Variants in MACROD2 observed in about 807,000 individuals in gnomAD.
The protein encoded by MACROD2 is mono-ADP ribosylhydrolase 2, also known as ADP-ribose glycohydrolase MACROD2.
In MACROD2, 36 loss-of-function variants were observed where a neutral mutation model predicts 70.4. The observed-to-expected ratio is 0.51, with a 90% CI of 0.39 to 0.68. MACROD2 has a LOEUF of 0.68. Ranked by LOEUF, MACROD2 falls within the 30% of genes least tolerant of loss-of-function variation. MACROD2 has a pLI of 0.00. For synonymous variants in MACROD2, 172 were observed against 178.8 expected, an observed-to-expected ratio of 0.96 and a Z score of 0.30; for missense variants, 496 against 538.4, an observed-to-expected ratio of 0.92 and a Z score of 0.78.
rs191657542 is a variant in MACROD2, at chr20:14,354,589, T to G, written c.272-138890T>G. ...GATGTCATTTGCCCTTTCCCCCATA[T>G]ATGTAGAATTGGGTCTTTTTCAACT... On this transcript the variant is annotated intron_variant, in intron 3 of 17. Transcript: ENST00000684519. Among the ~76,000 whole-genome samples, 5 of 152,286 alleles carry G rather than the reference T, an allele frequency of 3.3e-5. No individual in the cohort carries two copies. In the East Asian group the frequency reaches 9.6e-4, roughly 29 times the overall value.
chr20:14,504,235 T>C (rs2084946029), intron 4 of MACROD2, among the ~76,000 whole-genome samples: 1 of 152,248 alleles, frequency 6.6e-6, no homozygotes. Flanking sequence ...CTAACGTTTA[T>C]GGGGTGCTGA....
intron 4 of MACROD2, among the ~76,000 whole-genome samples, chr20:14,559,353 A>G (rs926358459): frequency 2.0e-5 from 3 of 151,792 alleles, no homozygotes; most frequent in African/African-American, 7.2e-5. Context: ...TTACATAAAA[A>G]CATTCTAGCT....
chr20:14,639,419 G>C (rs1984970729), intron 4 of MACROD2, among the ~76,000 whole-genome samples: 1 of 151,968 alleles, frequency 6.6e-6, no homozygotes. Context: ...TCCAACTTTA[G>C]AAGGTTCTGG....
chr20:15,087,036 G>A (rs897811890), intron 5 of MACROD2, among the ~76,000 whole-genome samples: 2 of 151,986 alleles, frequency 1.3e-5, no homozygotes, highest in African/African-American at 2.4e-5. Context: ...TACCATAATT[G>A]TAGGGAAAAT....
At chr20:15,321,122 G>A (rs1359368456) in intron 6 of MACROD2, among the ~76,000 whole-genome samples, 6 of 103,984 alleles carry the variant, frequency 5.8e-5, no homozygotes, top group South Asian at 3.2e-4. Flanking sequence ...CAGGCCACTC[G>A]TTGTGGCCTT....
chr20:14,364,918 A>G (rs2083258106), intron 3 of MACROD2, among the ~76,000 whole-genome samples: 1 of 152,152 alleles, frequency 6.6e-6, no homozygotes, highest in Non-Finnish European at 1.5e-5. Flanking sequence ...TTCATGAGCA[A>G]TATTGGTCTG....
At chr20:15,683,043 A>T (rs2050180927) in intron 8 of MACROD2, among the ~76,000 whole-genome samples, 1 of 152,236 alleles carries the variant, frequency 6.6e-6, no homozygotes, top group Non-Finnish European at 1.5e-5. Flanking sequence ...AGAATCAGAG[A>T]TTGATGAACA....
At chr20:14,233,887 G>T (rs1180460016) in intron 3 of MACROD2, among the ~76,000 whole-genome samples, 1 of 151,986 alleles carries the variant, frequency 6.6e-6, no homozygotes, top group Non-Finnish European at 1.5e-5. Flanking sequence ...AAGATCAGTG[G>T]TTGATAGGAG....
At chr20:15,798,743 A>G (rs187130609) in intron 8 of MACROD2, among the ~76,000 whole-genome samples, 113 of 152,278 alleles carry the variant, frequency 7.4e-4, no homozygotes, top group African/African-American at 2.6e-3. Context: ...GGCTCTAGAT[A>G]CCTCATTAGA....
At chr20:15,484,904 G>A (rs2047145033) in intron 7 of MACROD2, among the ~76,000 whole-genome samples, 1 of 152,134 alleles carries the variant, frequency 6.6e-6, no homozygotes, top group Non-Finnish European at 1.5e-5. Context: ...CAGATAAGTT[G>A]TGATTCTCTG....
intron 8 of MACROD2, among the ~76,000 whole-genome samples, chr20:15,749,972 G>A (rs889177979): frequency 6.6e-6 from 1 of 151,996 alleles, no homozygotes; most frequent in African/African-American, 2.4e-5. Flanking sequence ...GACCTCAAAA[G>A]CACAGGCAAC....
At chr20:15,914,906 G>A (rs901686844) in intron 10 of MACROD2, among the ~76,000 whole-genome samples, 2 of 149,920 alleles carry the variant, frequency 1.3e-5, no homozygotes, top group African/African-American at 4.9e-5. Flanking sequence ...CAGAGCTCAG[G>A]GAAAACAATT....
chr20:14,655,714 A>G (rs1055746913), intron 4 of MACROD2, among the ~76,000 whole-genome samples: 1 of 152,198 alleles, frequency 6.6e-6, no homozygotes, highest in Non-Finnish European at 1.5e-5. Context: ...ATGTAAATGT[A>G]GCTATATTGT....
At chr20:15,892,951 C>T in intron 10 of MACROD2, 1 of 397,178 alleles carries the variant, frequency 2.5e-6, no homozygotes, top group Non-Finnish European at 4.4e-6. Context: ...AAAGGCCTCT[C>T]TCCACCCTAC....
chr20:14,601,962 A>G (rs753348209), intron 4 of MACROD2, among the ~76,000 whole-genome samples: 1 of 152,114 alleles, frequency 6.6e-6, no homozygotes, highest in Non-Finnish European at 1.5e-5. Flanking sequence ...CCATATATAA[A>G]CTATTTATTT....
intron 5 of MACROD2, among the ~76,000 whole-genome samples, chr20:14,821,155 G>A (rs2072839909): frequency 6.6e-6 from 1 of 151,836 alleles, no homozygotes. Context: ...TATTGACACT[G>A]GAATACATTA....
intron 8 of MACROD2, among the ~76,000 whole-genome samples, chr20:15,807,208 C>T (rs1417894831): frequency 6.6e-6 from 1 of 152,174 alleles, no homozygotes; most frequent in East Asian, 1.9e-4. Context: ...AACCAAGCTC[C>T]AACTACGACA....
intron 2 of MACROD2, among the ~76,000 whole-genome samples, chr20:14,067,725 C>G (rs979566336): frequency 6.6e-6 from 1 of 152,164 alleles, no homozygotes; most frequent in Non-Finnish European, 1.5e-5. Flanking sequence ...CACACATAGT[C>G]TCATTAAAAT....
chr20:15,476,570 G>GCCC lies in MACROD2; in HGVS notation c.572-23197_572-23195dup, dbSNP rs10596676. On this transcript the variant is annotated intron_variant, in intron 7 of 17. Coordinates refer to ENST00000684519, the MANE Select transcript of MACROD2 (RefSeq NM_001351661.2). ...AATTTTAAAACTATATTGTTGTTTT[G>GCCC]CCCCCCCCCGGTAAGTCTGTCAACT... Among the ~76,000 whole-genome samples, 352 of 150,094 alleles carry GCCC rather than the reference G, an allele frequency of 2.3e-3. 2 individuals are homozygous for GCCC. The highest frequency in any genetic ancestry group is 8.1e-3 in the African/African-American group (329 of 40,720).
Sources: allele counts gnomAD v4.1 joint callset (sites outside exome capture counted in the v4.1 genomes callset), GRCh38; gene constraint gnomAD v4.1.1; transcripts MANE v1.5; gene names NCBI Gene and HGNC (gene_info 2026-07-23, HGNC 2026-07-21).